The following CFHR4 variants were observed in gnomAD, a reference collection of about 807,000 sequenced individuals.
CFHR4 encodes the protein complement factor H-related protein 4.
Under a neutral mutation model 69.3 loss-of-function variants are expected in CFHR4, and 64 were observed. The observed-to-expected ratio is 0.92, with a 90% CI of 0.76 to 1.14. The LOEUF is 1.14. Ranked by LOEUF, CFHR4 falls within the 50% of genes most tolerant of loss-of-function variation. The probability of loss-of-function intolerance (pLI) is 0.00; values close to 1 mark genes in which losing one functional copy is unlikely to be tolerated. For missense variants in CFHR4, 636 were observed against 684.9 expected (o/e 0.93, Z 0.80); for synonymous variants, 244 against 237.0 (o/e 1.03, Z -0.27).
intron 6 of CFHR4, 84 bp from the exon 7 acceptor site, chr1:196,912,656 A>G: frequency 7.3e-7 from 1 of 1,377,604 alleles, no homozygotes. Context: ...TTGTTTTGCC[A>G]TATTGCCATG....
rs556085186 is a variant in CFHR4 at position 196,912,805 on chromosome 1, A to G, written c.1063A>G (p.Ile355Val). The change falls in exon 7 of 10, where the codon ATT (isoleucine) becomes GTT (valine). Residue 355 changes from isoleucine to valine, a missense_variant. By Grantham distance (29) the Ile-to-Val change is conservative. Transcript: ENST00000608469. ...GFISESSSIY[I>V]LNKEIQYKCK... is the part of the protein sequence containing the mutation. ...CATTTCTGAATCTTCCTCTATTTAT[A>G]TTTTAAATAAAGAAATACAATATAA... The G allele has an allele frequency of 1.9e-6, 3 of 1,599,782 alleles. No individual in the cohort carries two copies. The highest frequency in any genetic ancestry group is 1.7e-5 in the Admixed American group (1 of 59,494).
At chr1:196,914,453 G>T (rs562414750) in intron 7 of CFHR4, 42 bp from the exon 8 acceptor site, 1 of 1,578,066 alleles carries the variant, frequency 6.3e-7, no homozygotes, top group Non-Finnish European at 8.6e-7. Flanking sequence ...GTTGTGCATC[G>T]TATGGCATAG....
At position 196,888,433 on chromosome 1, in the gene CFHR4, A is replaced by G. The variant is rs1449521007; in HGVS notation, c.58+225A>G. ...ATATTTTCTTTGTTTTACAAATTCTACAGTGTAAAAAGCATCTAATATTCA... is the reference window on the plus strand; with the variant it reads ...ATATTTTCTTTGTTTTACAAATTCTGCAGTGTAAAAAGCATCTAATATTCA... On this transcript the variant is annotated intron_variant, in intron 1 of 9. Coordinates refer to ENST00000608469, the MANE Select transcript of CFHR4 (RefSeq NM_001201550.3). 8.6e-5 allele frequency among the ~76,000 whole-genome samples: 13 copies of G among 151,354 alleles called. 1 individual carries two copies.
chr1:196,918,456 A>G lies in CFHR4; in HGVS notation c.*50A>G, dbSNP rs781440993. On this transcript the variant is annotated 3_prime_UTR_variant, in exon 10 of 10. Coordinates refer to ENST00000608469, the MANE Select transcript of CFHR4 (RefSeq NM_001201550.3). The stretch of plus-strand genomic sequence containing the variant: ...TGTCCAACTTCCACTTCTCACTCTT[A>G]TGGTCTCAAAGCTTGCAAAGATAGC... 1.3e-6 allele frequency: 2 copies of G among 1,521,240 alleles called. No individual in the cohort carries two copies. The highest frequency in any genetic ancestry group is 1.7e-5 in the Admixed American group (1 of 59,574). The allele number at this position is 1,521,240 out of a possible 1,614,324, so 94.2% of individuals were successfully genotyped here.
chr1:196,907,841 A>C (rs1429102335), intron 5 of CFHR4, among the ~76,000 whole-genome samples: 2 of 151,458 alleles, frequency 1.3e-5, no homozygotes, highest in Non-Finnish European at 2.9e-5. Context: ...ATACTTAGGT[A>C]AACAGTTTTC....
intron 3 of CFHR4, among the ~76,000 whole-genome samples, chr1:196,905,691 G>A (rs1448319658): frequency 1.3e-5 from 2 of 151,470 alleles, no homozygotes; most frequent in South Asian, 2.1e-4. Flanking sequence ...TGTTAGGGAA[G>A]GGATGAGTGC....
Position 196,906,910 on chromosome 1 carries a change from C to A in CFHR4, c.489C>A (p.Gly163=), listed in dbSNP as rs1200235756. 10 of 1,610,258 alleles carry A rather than the reference C, an allele frequency of 6.2e-6. No homozygotes were observed. The East Asian group carries it at 6.7e-5, about 11-fold the overall frequency. ...AGAATTCCAGAGCCAAGAGTAATGG[C>A]ATGTGGTTTAAGCTCCATGACACAT... ...VFENSRAKSN[G]MWFKLHDTLD... is the part of the protein sequence containing the mutation. The change falls in exon 4 of 10, where the codon GGC becomes GGA. Residue 163 remains glycine (G), a synonymous_variant. Coordinates refer to ENST00000608469, the MANE Select transcript of CFHR4 (RefSeq NM_001201550.3).
intron 9 of CFHR4, among the ~76,000 whole-genome samples, chr1:196,916,556 A>G (rs1658645528): frequency 6.6e-6 from 1 of 151,900 alleles, no homozygotes; most frequent in South Asian, 2.1e-4. Context: ...CCACTTCTGT[A>G]GATGATCATG....
At chr1:196,901,684 T>C (rs1368342677) in intron 1 of CFHR4, among the ~76,000 whole-genome samples, 1 of 151,322 alleles carries the variant, frequency 6.6e-6, no homozygotes, top group African/African-American at 2.4e-5. Flanking sequence ...TATAATAACA[T>C]AGTGCTTAAA....
intron 1 of CFHR4, among the ~76,000 whole-genome samples, chr1:196,895,366 C>T (rs1657242318): frequency 6.6e-6 from 1 of 151,470 alleles, no homozygotes; most frequent in Non-Finnish European, 1.5e-5. Flanking sequence ...TTCAAACATT[C>T]TCTATTCATC....
At chr1:196,911,793 G>A (rs1208357712) in intron 6 of CFHR4, among the ~76,000 whole-genome samples, 6 of 151,422 alleles carry the variant, frequency 4.0e-5, no homozygotes, top group Non-Finnish European at 7.4e-5. Flanking sequence ...AATAAATATT[G>A]TTGTGTGTCA....
Position 196,901,491 on chromosome 1 carries a change from T to C in CFHR4, c.59-927T>C, listed in dbSNP as rs566933360. ...AAAGAATAATGGAGATAATAAACAA[T>C]ATTGTGCGTGTGTGTGTGGTGCATA... On this transcript the variant is annotated intron_variant, in intron 1 of 9. Coordinates refer to ENST00000608469, the MANE Select transcript of CFHR4 (RefSeq NM_001201550.3). Among the ~76,000 whole-genome samples the C allele has an allele frequency of 1.7e-3, 263 of 151,308 alleles. 8 individuals carry two copies. Among genetic ancestry groups the C allele is most frequent in the African/African-American group, 6.0e-3 (248 of 41,094 alleles).
intron 3 of CFHR4, among the ~76,000 whole-genome samples, chr1:196,906,469 C>A (rs948836030): frequency 1.3e-5 from 2 of 151,036 alleles, no homozygotes; most frequent in African/African-American, 4.9e-5. Flanking sequence ...AACTTATAAA[C>A]CCTGTCAGTA....
rs1370587856 is a variant in CFHR4 at position 196,903,685 on chromosome 1, G to GTA, written c.256+1079_256+1080dup. On this transcript the variant is annotated intron_variant, in intron 2 of 9. Coordinates refer to ENST00000608469, the MANE Select transcript of CFHR4 (RefSeq NM_001201550.3). ...GAAAAAAACACATATATATATATAT[G>GTA]TATATATATACACACACACACATAT... Among the ~76,000 whole-genome samples, 1,011 of 149,616 alleles carry GTA rather than the reference G, an allele frequency of 6.8e-3. 34 individuals are homozygous for GTA. Among genetic ancestry groups the GTA allele is most frequent in the African/African-American group, 0.024 (959 of 40,014 alleles).
intron 1 of CFHR4, among the ~76,000 whole-genome samples, chr1:196,899,175 T>C (rs1350520106): frequency 6.6e-6 from 1 of 151,524 alleles, no homozygotes; most frequent in Non-Finnish European, 1.5e-5. Flanking sequence ...TCTATGATGG[T>C]TCCTTTGCCT....
intron 1 of CFHR4, among the ~76,000 whole-genome samples, chr1:196,899,777 G>T (rs919442357): frequency 6.6e-6 from 1 of 151,570 alleles, no homozygotes; most frequent in Non-Finnish European, 1.5e-5. Context: ...AAAGTATTTC[G>T]CAAGTGACCT....
At position 196,907,061 on chromosome 1, in the gene CFHR4, C is replaced by G. The variant is rs114567637; in HGVS notation, c.616+24C>G. The G allele has an allele frequency of 1.1e-3, 1,698 of 1,575,806 alleles. 75 individuals are homozygous for G. In the African/African-American group the frequency reaches 0.021, roughly 20 times the overall value. Reference sequence around the variant, plus strand: ...TAGTAAGTATTTTATTCAAGTATTTCTTTTTACTAGAATTAAACAAATAGA... The same window carrying G: ...TAGTAAGTATTTTATTCAAGTATTTGTTTTTACTAGAATTAAACAAATAGA... On this transcript the variant is annotated intron_variant, in intron 4 of 9. Coordinates refer to ENST00000608469, the MANE Select transcript of CFHR4 (RefSeq NM_001201550.3).
At position 196,895,058 on chromosome 1, in the gene CFHR4, A is replaced by G. The variant is rs180829169; in HGVS notation, c.58+6850A>G. On this transcript the variant is annotated intron_variant, in intron 1 of 9. Transcript: ENST00000608469. The stretch of plus-strand genomic sequence containing the variant: ...CTGGGTGCCAGAGCATGACCCTGTC[A>G]AAAAAAATTATATTAAAGAAAAAAG... Among the ~76,000 whole-genome samples the G allele has an allele frequency of 4.1e-3, 615 of 151,112 alleles. 23 individuals carry two copies. The highest frequency in any genetic ancestry group is 0.013 in the African/African-American group (524 of 40,960).
At chr1:196,904,896 C>T (rs1657826885) in intron 2 of CFHR4, among the ~76,000 whole-genome samples, 1 of 151,514 alleles carries the variant, frequency 6.6e-6, no homozygotes, top group Admixed American at 6.6e-5. Context: ...TTGACAGTCT[C>T]AAAGATTCTT....
Sources: allele counts gnomAD v4.1 joint callset (sites outside exome capture counted in the v4.1 genomes callset), GRCh38; gene constraint gnomAD v4.1.1; transcripts MANE v1.5; gene names NCBI Gene and HGNC (gene_info 2026-07-23, HGNC 2026-07-21).